DCAF5: variants seen among roughly 807,000 people sequenced by gnomAD.
DCAF5 encodes the protein DDB1- and CUL4-associated factor 5.
DCAF5 carries 9 observed loss-of-function variants against 80.7 expected under a neutral mutation model. The observed-to-expected ratio is 0.11, with a 90% CI of 0.07 to 0.19. DCAF5 has a LOEUF of 0.19. Ranked by LOEUF, DCAF5 falls within the 10% of genes least tolerant of loss-of-function variation. The pLI, the probability that DCAF5 is intolerant of heterozygous loss-of-function variation, is 1.00. For synonymous variants in DCAF5, 433 were observed against 461.9 expected, an observed-to-expected ratio of 0.94 and a Z score of 0.80; for missense variants, 842 against 1,205.7, an observed-to-expected ratio of 0.70 and a Z score of 4.47.
intron 5 of DCAF5, among the ~76,000 whole-genome samples, chr14:69,099,299 C>CACA (rs3223006): frequency 5.8e-5 from 8 of 138,142 alleles, no homozygotes; most frequent in Non-Finnish European, 9.5e-5. Context: ...CACACACACA[C>CACA]AACTAACAAA....
chr14:69,139,166 C>CAG (rs1026191396), intron 1 of DCAF5, among the ~76,000 whole-genome samples: 1 of 151,036 alleles, frequency 6.6e-6, no homozygotes, highest in African/African-American at 2.4e-5. Context: ...AGGAAAGAAA[C>CAG]AGAGAGAGAG....
intron 5 of DCAF5, among the ~76,000 whole-genome samples, chr14:69,106,208 C>T (rs1251157578): frequency 1.3e-5 from 2 of 150,562 alleles, no homozygotes; most frequent in Non-Finnish European, 3.0e-5. Flanking sequence ...AGGGGCCCAC[C>T]ACTACGCCCG....
At chr14:69,122,455 T>G in intron 1 of DCAF5, 95 bp from the exon 2 acceptor site, 1 of 1,357,182 alleles carries the variant, frequency 7.4e-7, no homozygotes, top group Non-Finnish European at 1.0e-6. Context: ...TTTCCAAAAC[T>G]GCACCTCCCC....
chr14:69,088,794 A>T (rs1345311395), intron 6 of DCAF5, among the ~76,000 whole-genome samples: 1 of 152,190 alleles, frequency 6.6e-6, no homozygotes, highest in African/African-American at 2.4e-5. Flanking sequence ...AAAGCCCAAT[A>T]TAAGGAAAAG....
chr14:69,112,546 T>TA (rs767521200), intron 5 of DCAF5, among the ~76,000 whole-genome samples: 3 of 122,224 alleles, frequency 2.5e-5, no homozygotes, highest in Non-Finnish European at 5.2e-5. Flanking sequence ...AAATAAAAAC[T>TA]AAAAAAAAGA....
intron 5 of DCAF5, among the ~76,000 whole-genome samples, chr14:69,107,513 C>T (rs1779625911): frequency 6.6e-6 from 1 of 152,096 alleles, no homozygotes; most frequent in Non-Finnish European, 1.5e-5. Context: ...TTCTGATGCC[C>T]CTTAAAGTTT....
chr14:69,085,764 GC>G (rs1428467581), intron 6 of DCAF5, among the ~76,000 whole-genome samples: 2 of 151,942 alleles, frequency 1.3e-5, no homozygotes, highest in Non-Finnish European at 2.9e-5. Context: ...CAGAAAGTCT[GC>G]CCCCTTCCTC....
chr14:69,100,274 C>T (rs1237017559), intron 5 of DCAF5, among the ~76,000 whole-genome samples: 2 of 152,136 alleles, frequency 1.3e-5, no homozygotes, highest in Admixed American at 1.3e-4. Flanking sequence ...AATGTCTTCT[C>T]ACATATACTC....
At chr14:69,116,577 G>A in intron 4 of DCAF5, 82 bp from the exon 5 acceptor site, 1 of 1,530,612 alleles carries the variant, frequency 6.5e-7, no homozygotes, top group Non-Finnish European at 8.9e-7. Context: ...TGTGAATACA[G>A]GTCGGAGCAC....
intron 8 of DCAF5, among the ~76,000 whole-genome samples, chr14:69,058,468 G>A (rs992696070): frequency 6.6e-6 from 1 of 151,848 alleles, no homozygotes; most frequent in African/African-American, 2.4e-5. Flanking sequence ...GCAGTGAGCC[G>A]AGATCGCGCC....
At chr14:69,086,410 A>G (rs9323521) in intron 6 of DCAF5, among the ~76,000 whole-genome samples, 109,766 of 151,744 alleles carry the variant, frequency 0.72, 39,914 homozygotes, top group East Asian at 0.97. Context: ...GGATATGAAA[A>G]TGCTTTACAA....
At chr14:69,056,805 T>C (rs1594922776) in intron 8 of DCAF5, among the ~76,000 whole-genome samples, 1 of 152,222 alleles carries the variant, frequency 6.6e-6, no homozygotes, top group South Asian at 2.1e-4. Flanking sequence ...TCCTGAGAGG[T>C]GGTATCTCTG....
chr14:69,101,848 C>G (rs1594999068), intron 5 of DCAF5, among the ~76,000 whole-genome samples: 1 of 152,158 alleles, frequency 6.6e-6, no homozygotes. Context: ...TGTATCTAAA[C>G]ATTTAAAAGC....
At chr14:69,072,623 TAAAAAAA>T (rs57781214) in intron 7 of DCAF5, among the ~76,000 whole-genome samples, 1 of 116,456 alleles carries the variant, frequency 8.6e-6, no homozygotes, top group East Asian at 2.5e-4. Context: ...ACCCTGACTT[TAAAAAAA>T]AAAAAAAAAA....
chr14:69,055,369 A>T lies in DCAF5; in HGVS notation c.1317T>A (p.Ser439Arg). The stretch of plus-strand genomic sequence containing the variant: ...CGTGCAGTTGGAGGATAGTACTCTC[A>T]CTGAGGTCACTGTCTGAGTCAGAGC... Reference protein sequence around the residue: ...GWSSDSDSDLSESTILQLHAG... With the variant: ...GWSSDSDSDLRESTILQLHAG... The change falls in exon 9 of 9, where the codon AGT becomes AGA. Residue 439 changes from serine (S) to arginine (R), a missense_variant. Ser to Arg is a moderately radical substitution (Grantham distance 110). Transcript: ENST00000341516. This position sits in a 1 kb window ranked among gnomAD's most constrained non-coding sequence, Gnocchi z 5.6. 1 of 1,613,970 alleles carries T rather than the reference A, an allele frequency of 6.2e-7. No individual in the cohort carries two copies. The highest frequency in any genetic ancestry group is 8.5e-7 in the Non-Finnish European group (1 of 1,179,876).
intron 5 of DCAF5, among the ~76,000 whole-genome samples, chr14:69,107,484 C>T (rs1189854651): frequency 1.3e-5 from 2 of 152,168 alleles, no homozygotes; most frequent in Non-Finnish European, 2.9e-5. Flanking sequence ...AGGAGTGCTT[C>T]GACAAGCTCC....
chr14:69,066,400 G>A (rs2038443675), intron 7 of DCAF5, among the ~76,000 whole-genome samples: 1 of 152,146 alleles, frequency 6.6e-6, no homozygotes, highest in Non-Finnish European at 1.5e-5. Flanking sequence ...CTCCCAAAGT[G>A]CTGGGATTAC....
In DCAF5 at chr14:69,055,465, C is replaced by T. The variant is rs1024584172; in HGVS notation, c.1221G>A (p.Gln407=). ...GSGLSHDYAN[Q]SVQEDPRMMA... ...TCATCCGGGGGTCTTCCTGGACCGA[C>T]TGGTTGGCGTAGTCATGCGACAGGC... is the stretch of plus-strand genomic sequence containing the variant. Residue 407 remains glutamine, a synonymous_variant, in exon 9 of 9, where the codon CAG becomes CAA. Transcript: ENST00000341516. The surrounding 1 kb of genome is among the most constrained non-coding windows in gnomAD (Gnocchi z 5.6). The T allele has an allele frequency of 6.2e-7, 1 of 1,614,192 alleles. No individual in the cohort carries two copies. The highest frequency in any genetic ancestry group is 1.7e-5 in the Admixed American group (1 of 60,020).
At chr14:69,079,431 A>G (rs1426735977) in intron 6 of DCAF5, among the ~76,000 whole-genome samples, 1 of 152,110 alleles carries the variant, frequency 6.6e-6, no homozygotes, top group East Asian at 1.9e-4. Context: ...TCCACCCACC[A>G]TAAGAGAACA....
Sources: gnomAD v4.1 joint callset for allele counts (sites outside exome capture counted in the v4.1 genomes callset) on GRCh38, gnomAD v4.1.1 for gene constraint, Gnocchi (gnomAD v3.1) non-coding constraint, MANE v1.5 for transcripts, NCBI Gene and HGNC (gene_info 2026-07-23, HGNC 2026-07-21) for gene names.